Variants in NEMF observed in about 807,000 individuals in gnomAD.
The protein encoded by NEMF is nuclear export mediator factor.
A neutral mutation model predicts 162.2 loss-of-function variants in NEMF; 89 were observed. The observed-to-expected ratio is 0.55, with a 90% CI of 0.46 to 0.65. The LOEUF (loss-of-function observed/expected upper bound fraction) is 0.65. NEMF is among the 30% of genes least tolerant of loss of function. The pLI, the probability that NEMF is intolerant of heterozygous loss-of-function variation, is 0.00. For missense variants in NEMF, 1,133 were observed against 1,261.9 expected (o/e 0.90, Z 1.55); for synonymous variants, 421 against 404.5 (o/e 1.04, Z -0.49).
chr14:49,803,379 A>C, intron 19 of NEMF, 85 bp from the exon 20 acceptor site: 1 of 902,542 alleles, frequency 1.1e-6, no homozygotes, highest in Non-Finnish European at 1.7e-6. Flanking sequence ...GTAAAGTCAG[A>C]GTCAAGTAAG....
intron 3 of NEMF, among the ~76,000 whole-genome samples, chr14:49,851,168 CACTCCAGCCTGGGTGACAGAGCGAG>C (rs1893755374): frequency 6.6e-6 from 1 of 152,186 alleles, no homozygotes; most frequent in Non-Finnish European, 1.5e-5. Context: ...TGTGCCACTG[CACTCCAGCCTGGGTGACAGAGCGAG>C]ACTCCTTCTC....
intron 4 of NEMF, among the ~76,000 whole-genome samples, chr14:49,843,502 A>T (rs1893318096): frequency 6.6e-6 from 1 of 152,192 alleles, no homozygotes; most frequent in African/African-American, 2.4e-5. Context: ...TCAAAAAAAT[A>T]AAAAATATTG....
intron 18 of NEMF, among the ~76,000 whole-genome samples, chr14:49,810,292 C>T (rs1891413965): frequency 6.6e-6 from 1 of 151,280 alleles, no homozygotes; most frequent in Admixed American, 6.6e-5. Context: ...GGTGTGAACC[C>T]AGGAGGCAGA....
In NEMF at chr14:49,831,803, G is replaced by A. The variant is rs74600510; in HGVS notation, c.882+248C>T. The stretch of plus-strand genomic sequence containing the variant: ...ACTCAAAGAACTTGAACAGATTTCC[G>A]GTAAATGTATTATATGGCTAAACAG... On this transcript the variant is annotated intron_variant, in intron 10 of 32. Coordinates refer to ENST00000298310, the MANE Select transcript of NEMF (RefSeq NM_004713.6). Among the ~76,000 whole-genome samples, 128 of 152,214 alleles carry A rather than the reference G, an allele frequency of 8.4e-4. 1 individual carries two copies. In the East Asian group the frequency reaches 0.022, roughly 26 times the overall value.
Position 49,848,792 on chromosome 14 carries a change from G to A in NEMF, c.232-2527C>T, listed in dbSNP as rs1228444532. Among the ~76,000 whole-genome samples, 37 of 129,744 alleles carry A rather than the reference G, an allele frequency of 2.9e-4. 1 individual carries two copies. Among genetic ancestry groups the A allele is most frequent in the African/African-American group, 9.9e-4 (33 of 33,434 alleles). 85.1% of individuals were successfully genotyped at this position (129,744 alleles called of 152,430 possible). On this transcript the variant is annotated intron_variant, in intron 3 of 32. Transcript: ENST00000298310. ...TGAAGTTGCAGTGAGCCAAGACTGC[G>A]CCACTGCCCTCCAGCCTGGTGACAG...
chr14:49,840,153 G>A (rs1437300537), intron 5 of NEMF, among the ~76,000 whole-genome samples: 1 of 151,750 alleles, frequency 6.6e-6, no homozygotes, highest in Admixed American at 6.6e-5. Context: ...GGGGGAGTGA[G>A]ACACCACCTC....
chr14:49,818,707 T>C (rs139354204), intron 16 of NEMF, among the ~76,000 whole-genome samples: 235 of 152,220 alleles, frequency 1.5e-3, no homozygotes, highest in African/African-American at 5.3e-3. Flanking sequence ...AGGAGTAATA[T>C]ATGTAAAATA....
At chr14:49,829,013 T>C (rs1892507170) in intron 13 of NEMF, 41 bp downstream of exon 13, 5 of 1,533,678 alleles carry the variant, frequency 3.3e-6, no homozygotes, top group Non-Finnish European at 4.5e-6. Flanking sequence ...AATAACAAAA[T>C]AAAGACAAGC....
At chr14:49,815,388 C>T (rs1284879191) in intron 16 of NEMF, among the ~76,000 whole-genome samples, 1 of 151,988 alleles carries the variant, frequency 6.6e-6, no homozygotes, top group Non-Finnish European at 1.5e-5. Context: ...ATGATTAATA[C>T]CTGCAAGATA....
intron 26 of NEMF, 26 bp from the exon 27 acceptor site, chr14:49,789,599 G>C (rs1890347302): frequency 6.3e-7 from 1 of 1,593,546 alleles, no homozygotes; most frequent in Non-Finnish European, 8.5e-7. Context: ...ATTTTGGTTG[G>C]AAATATTCAG....
chr14:49,844,940 TG>T (rs1471871262), intron 4 of NEMF: 1 of 201,658 alleles, frequency 5.0e-6, no homozygotes, highest in Non-Finnish European at 1.1e-5. Flanking sequence ...GGCTAATTTT[TG>T]TATTTTTAGT....
At chr14:49,786,506 C>A (rs1890186638) in intron 29 of NEMF, 2 of 567,018 alleles carry the variant, frequency 3.5e-6, no homozygotes, top group Admixed American at 6.7e-5. Context: ...ACATTATCCC[C>A]ATTCTTCAGA....
Position 49,784,027 on chromosome 14 carries a change from A to G in NEMF, c.*609T>C, listed in dbSNP as rs886143999. The G allele has an allele frequency of 2.6e-5, 4 of 152,014 alleles. No individual in the cohort carries two copies. The highest frequency in any genetic ancestry group is 5.9e-5 in the Non-Finnish European group (4 of 67,964). The allele number at this position is 152,014 out of a possible 1,614,324, so 9.4% of individuals were successfully genotyped here. A position where few individuals can be genotyped will look rare whatever the true frequency, so the allele number is the denominator to read the frequency against. On this transcript the variant is annotated 3_prime_UTR_variant, in exon 33 of 33. Transcript: ENST00000298310. ...ATAGTTTAAGCAATCAAGCCACTTC[A>G]CTGTTCAGTTTCTTTACATCATGAA...
chr14:49,844,030 C>T (rs1893344888), intron 4 of NEMF, among the ~76,000 whole-genome samples: 1 of 151,134 alleles, frequency 6.6e-6, no homozygotes, highest in African/African-American at 2.4e-5. Flanking sequence ...ACCCGGGAGG[C>T]AGAGGTTGCA....
At chr14:49,818,780 C>T (rs1417226248) in intron 16 of NEMF, among the ~76,000 whole-genome samples, 2 of 151,860 alleles carry the variant, frequency 1.3e-5, no homozygotes, top group Admixed American at 1.3e-4. Flanking sequence ...CACTGGGCTC[C>T]CCAAATGCTG....
At position 49,782,621 on chromosome 14, in the gene NEMF, G is replaced by C; in HGVS notation, c.*2015C>G. The C allele has an allele frequency of 2.6e-6, 4 of 1,560,534 alleles. No homozygotes were observed. In the South Asian group the frequency reaches 4.6e-5, roughly 18 times the overall value. ...TAAGTAACTTTGTACTTGGCACTTAGATTATTTAAAATTGTGTTTCCTAAG... is the reference window on the plus strand; with the variant it reads ...TAAGTAACTTTGTACTTGGCACTTACATTATTTAAAATTGTGTTTCCTAAG... On this transcript the variant is annotated 3_prime_UTR_variant, in exon 33 of 33. Coordinates refer to ENST00000298310, the MANE Select transcript of NEMF (RefSeq NM_004713.6).
At position 49,786,718 on chromosome 14, in the gene NEMF, C is replaced by T. The variant is rs773431633; in HGVS notation, c.2928G>A (p.Glu976=). 18 of 1,612,406 alleles carry T rather than the reference C, an allele frequency of 1.1e-5. No individual in the cohort carries two copies. In the South Asian group the frequency reaches 1.5e-4, roughly 14 times the overall value. The change falls in exon 29 of 33, where the codon GAG becomes GAA. Residue 976 remains glutamate, a splice_region_variant and synonymous_variant. Transcript: ENST00000298310. The part of the protein sequence containing the change: ...EEQDLDQQGN[E]ENLFDSLTGQ... ...TAGGAACCCCAACATAAAATCATACCTCATTTCCCTGTTGATCCAGATCTT... is the reference window on the plus strand; with the variant it reads ...TAGGAACCCCAACATAAAATCATACTTCATTTCCCTGTTGATCCAGATCTT...
At chr14:49,796,027 A>G in intron 25 of NEMF, 83 bp from the exon 26 acceptor site, 1 of 920,220 alleles carries the variant, frequency 1.1e-6, no homozygotes, top group Non-Finnish European at 1.7e-6. Flanking sequence ...GGGAAGGCAC[A>G]TATACAGTAT....
In NEMF at chr14:49,800,440, C is replaced by A; in HGVS notation, c.2352G>T (p.Leu784Phe). Residue 784 changes from leucine (L) to phenylalanine (F), a missense_variant, in exon 23 of 33, where the codon TTG becomes TTT. Transcript: ENST00000298310. Reference sequence around the variant, plus strand: ...ATTACCTTTGGGGTTGAAGGTGAGACAAGTCAATGGTAGTATCAGGATAAT... The same window carrying A: ...ATTACCTTTGGGGTTGAAGGTGAGAAAAGTCAATGGTAGTATCAGGATAAT... Reference protein sequence around the residue: ...TLNYPDTTIDLSHLQPQRSIQ... With the variant: ...TLNYPDTTIDFSHLQPQRSIQ... The A allele has an allele frequency of 6.2e-7, 1 of 1,612,708 alleles. No homozygotes were observed. The highest frequency in any genetic ancestry group is 8.5e-7 in the Non-Finnish European group (1 of 1,179,286).
Sources: allele counts gnomAD v4.1 joint callset (sites outside exome capture counted in the v4.1 genomes callset), GRCh38; gene constraint gnomAD v4.1.1; transcripts MANE v1.5; gene names NCBI Gene and HGNC (gene_info 2026-07-23, HGNC 2026-07-21).